The following AK6 variants were observed in gnomAD, a reference collection of about 807,000 sequenced individuals.
AK6 encodes adenylate kinase isoenzyme 6.
Under a neutral mutation model 23.7 loss-of-function variants are expected in AK6, and 24 were observed. The observed-to-expected ratio is 1.01, with a 90% CI of 0.73 to 1.43. The LOEUF (loss-of-function observed/expected upper bound fraction) is 1.43, where lower values mean the gene tolerates loss of function less well. Among genes scored for constraint, AK6 ranks in the 40% most tolerant of loss-of-function variants. The probability of loss-of-function intolerance (pLI) is 0.00; values close to 1 mark genes in which losing one functional copy is unlikely to be tolerated. For missense variants in AK6, 191 were observed against 199.1 expected (o/e 0.96, Z 0.24); for synonymous variants, 73 against 69.8 (o/e 1.05, Z -0.23).
chr5:69,369,494 C>T lies in AK6; in HGVS notation c.-4G>A, dbSNP rs750739293. The stretch of plus-strand genomic sequence containing the variant: ...GCAGGATGTTCGGAAGCAACATGGT[C>T]CCCGCCGCGACGGCTTCGGGCGCCT... On this transcript the variant is annotated 5_prime_UTR_variant, in exon 1 of 5. Transcript: ENST00000380822. The T allele has an allele frequency of 4.3e-6, 7 of 1,611,462 alleles. No individual in the cohort carries two copies. Among genetic ancestry groups the T allele is most frequent in the Non-Finnish European group, 5.9e-6 (7 of 1,179,356 alleles).
rs776056182 is a variant in AK6, at chr5:69,352,057, T to G, written c.*4A>C. 8.1e-6 allele frequency: 13 copies of G among 1,600,006 alleles called. No individual in the cohort carries two copies. The South Asian group carries it at 1.3e-4, about 16-fold the overall frequency. On this transcript the variant is annotated 3_prime_UTR_variant, in exon 5 of 5. Transcript: ENST00000380822. The stretch of plus-strand genomic sequence containing the variant: ...AGTGATTATTAAGTAGCTAGCCTTA[T>G]AAGTCAAGAGTTATGATCTTTGATC...
intron 1 of AK6, chr5:69,366,817 G>T (rs1580322422): frequency 2.0e-6 from 1 of 512,686 alleles, no homozygotes; most frequent in Middle Eastern, 4.2e-4. Context: ...GGAGTGCAGT[G>T]GCACAATCTT....
chr5:69,365,302 G>C (rs1762373287), intron 2 of AK6: 2 of 1,614,078 alleles, frequency 1.2e-6, no homozygotes, highest in Non-Finnish European at 1.7e-6. Context: ...CTTAACCGCG[G>C]GACTGTTATT....
intron 4 of AK6, among the ~76,000 whole-genome samples, chr5:69,354,455 C>T (rs1762029681): frequency 1.3e-5 from 2 of 152,172 alleles, no homozygotes; most frequent in South Asian, 4.1e-4. Flanking sequence ...TCAGTGAAAA[C>T]CACACATTCT....
Position 69,359,475 on chromosome 5 carries a change from C to T in AK6, c.122-3522G>A, listed in dbSNP as rs564028765. On this transcript the variant is annotated intron_variant, in intron 2 of 4. Transcript: ENST00000380822. ...GGCCAGGCTGGTCTTGAACTTTTGACCTCAGGTGATCCACCCGCCCTGGCC... is the reference window on the plus strand; with the variant it reads ...GGCCAGGCTGGTCTTGAACTTTTGATCTCAGGTGATCCACCCGCCCTGGCC... 2.6e-5 allele frequency among the ~76,000 whole-genome samples: 4 copies of T among 152,210 alleles called. 1 individual carries two copies. Among genetic ancestry groups the T allele is most frequent in the South Asian group, 4.1e-4 (2 of 4,826 alleles).
chr5:69,364,933 C>T (rs1466760337), intron 2 of AK6: 4 of 1,598,540 alleles, frequency 2.5e-6, no homozygotes, highest in South Asian at 1.1e-5. Flanking sequence ...TTACATTCAG[C>T]AAGGCTAGAT....
At chr5:69,357,821 TAAG>T (rs1171122351) in intron 2 of AK6, among the ~76,000 whole-genome samples, 1 of 152,146 alleles carries the variant, frequency 6.6e-6, no homozygotes, top group East Asian at 1.9e-4. Flanking sequence ...TGTTGAACAA[TAAG>T]AAAAGTTAAA....
At chr5:69,361,994 T>G (rs1762253769) in intron 2 of AK6, among the ~76,000 whole-genome samples, 1 of 147,098 alleles carries the variant, frequency 6.8e-6, no homozygotes. Flanking sequence ...TTTTTTTGCC[T>G]TGGTTTTGGG....
At chr5:69,369,524 C>G (rs4252218), upstream of AK6, 4 of 1,611,356 alleles carry the variant, frequency 2.5e-6, no homozygotes, top group Non-Finnish European at 3.4e-6. Flanking sequence ...GCGCCTCGCT[C>G]ACGTGCCCTT....
upstream of AK6, chr5:69,369,558 G>A: frequency 2.5e-6 from 4 of 1,608,670 alleles, no homozygotes; most frequent in South Asian, 1.1e-5. Context: ...GGAGCCGGAA[G>A]GGGCGGGCGG....
Position 69,365,571 on chromosome 5 carries a change from A to C in AK6, c.121+932T>G, listed in dbSNP as rs376721865. On this transcript the variant is annotated intron_variant, in intron 2 of 4. Transcript: ENST00000380822. ...AGCTTTCTTAGCATGGCTTGAATAA[A>C]TTTTTGCATCATCTAGAATTGTGGT... The C allele has an allele frequency of 9.3e-6, 15 of 1,613,956 alleles. No homozygotes were observed. The African/African-American group carries it at 1.9e-4, about 20-fold the overall frequency.
chr5:69,353,701 AG>A (rs1762010680), intron 4 of AK6, among the ~76,000 whole-genome samples: 2 of 152,238 alleles, frequency 1.3e-5, no homozygotes, highest in Non-Finnish European at 1.5e-5. Context: ...CCATAAAACT[AG>A]AAAAAAACCT....
intron 4 of AK6, 39 bp downstream of exon 4, chr5:69,355,610 A>C (rs746762120): frequency 5.2e-6 from 8 of 1,543,058 alleles, no homozygotes; most frequent in Non-Finnish European, 7.0e-6. Flanking sequence ...ATAAAAGTTA[A>C]CATTATGCTT....
Position 69,366,524 on chromosome 5 carries a change from C to A in AK6, c.100G>T (p.Val34Leu). The A allele has an allele frequency of 1.2e-6, 2 of 1,613,990 alleles. No individual in the cohort carries two copies. The highest frequency in any genetic ancestry group is 2.2e-5 in the South Asian group (2 of 91,080). Residue 34 changes from valine to leucine, a missense_variant, in exon 2 of 5, where the codon GTG becomes TTG. Physicochemically the swap from Val to Leu is conservative, Grantham distance 32 (BLOSUM62 1). Transcript: ENST00000380822. ...ASKSGLKYIN[V>L]GDLAREEQLY... Reference sequence around the variant, plus strand: ...TTACCTTCTCGAGCTAAATCACCCACATTAATGTATTTCAGTCCTGATTTT... The same window carrying A: ...TTACCTTCTCGAGCTAAATCACCCAAATTAATGTATTTCAGTCCTGATTTT...
chr5:69,359,124 T>C (rs1016175050), intron 2 of AK6, among the ~76,000 whole-genome samples: 1 of 151,676 alleles, frequency 6.6e-6, no homozygotes, highest in Non-Finnish European at 1.5e-5. Flanking sequence ...TGCCAGCCTA[T>C]AGTCCCAGCT....
At position 69,355,583 on chromosome 5, in the gene AK6, C is replaced by T. The variant is rs944152008; in HGVS notation, c.326+66G>A. ...AACAACAACAATCTTTTATCATGGC[C>T]AATTTCAGAAATCTGAATAAAAGTT... On this transcript the variant is annotated intron_variant, in intron 4 of 4. Coordinates refer to ENST00000380822, the MANE Select transcript of AK6 (RefSeq NM_016283.5). 2.1e-6 allele frequency: 3 copies of T among 1,459,066 alleles called. No individual in the cohort carries two copies. In the Admixed American group the frequency reaches 7.5e-5, roughly 36 times the overall value. 90.4% of individuals were successfully genotyped at this position (1,459,066 alleles called of 1,614,324 possible). A position where few individuals can be genotyped will look rare whatever the true frequency, so the allele number is the denominator to read the frequency against.
chr5:69,369,467 G>T lies in AK6; in HGVS notation c.24C>A (p.Leu8=). The T allele has an allele frequency of 6.2e-7, 1 of 1,610,930 alleles. No homozygotes were observed. The highest frequency in any genetic ancestry group is 1.7e-5 in the Admixed American group (1 of 59,918). ...CTCCCGGCCGCGCGCCCTGACCGGTGAGCAGGATGTTCGGAAGCAACATGG... is the reference window on the plus strand; with the variant it reads ...CTCCCGGCCGCGCGCCCTGACCGGTTAGCAGGATGTTCGGAAGCAACATGG... MLLPNIL[L]TGTPGVGKTT... is the part of the protein sequence containing the mutation. The change falls in exon 1 of 5, where the codon CTC becomes CTA. Residue 8 remains leucine (L), a synonymous_variant. Transcript: ENST00000380822.
At chr5:69,368,017 G>A (rs1274788488) in intron 1 of AK6, 5 of 152,060 alleles carry the variant, frequency 3.3e-5, no homozygotes, top group Admixed American at 6.6e-5. Flanking sequence ...ACAAAAACAA[G>A]AACAAAAACA....
chr5:69,369,706 C>G (rs1201768575), upstream of AK6: 3 of 1,551,958 alleles, frequency 1.9e-6, no homozygotes, highest in South Asian at 2.4e-5. Flanking sequence ...GTGGGCATAA[C>G]TCGGGTCGGT....
Sources: gnomAD v4.1 joint callset for allele counts (sites outside exome capture counted in the v4.1 genomes callset) on GRCh38, gnomAD v4.1.1 for gene constraint, MANE v1.5 for transcripts, NCBI Gene and HGNC (gene_info 2026-07-23, HGNC 2026-07-21) for gene names.